Variants in KLF16 observed in about 807,000 individuals in gnomAD.
KLF16 encodes the protein KLF transcription factor 16.
In KLF16, 6 loss-of-function variants were observed where a neutral mutation model predicts 6.1. That is an observed-to-expected ratio of 0.98 (90% CI 0.54 to 1.93). The LOEUF is 1.93. KLF16 is among the 30% of genes most tolerant of loss of function. The pLI, the probability that KLF16 is intolerant of heterozygous loss-of-function variation, is 0.01. For synonymous variants in KLF16, 211 were observed against 176.5 expected, an observed-to-expected ratio of 1.20 and a Z score of -1.55; for missense variants, 355 against 363.8, an observed-to-expected ratio of 0.98 and a Z score of 0.20.
chr19:1,863,320 G>A lies in KLF16; in HGVS notation c.178C>T (p.Pro60Ser), dbSNP rs978028216. The A allele has an allele frequency of 1.0e-6, 1 of 981,562 alleles. No homozygotes were observed. The highest frequency in any genetic ancestry group is 1.2e-6 in the Non-Finnish European group (1 of 829,060). 60.8% of individuals were successfully genotyped at this position (981,562 alleles called of 1,614,324 possible). The change falls in exon 1 of 2, where the codon CCG becomes TCG. Residue 60 changes from proline (P) to serine (S), a missense_variant. By Grantham distance (74) the Pro-to-Ser change is moderately conservative. Transcript: ENST00000250916. ...AASPGTPGPP[P>S]PPPAASGPGP... ...GGGCCAGAAGCGGCGGGGGGCGGCG[G>A]GGGTGGCCCCGGGGTCCCGGGTGAG...
intron 1 of KLF16, chr19:1,862,112 G>A (rs1259889716): frequency 2.3e-5 from 2 of 87,154 alleles, no homozygotes; most frequent in African/African-American, 4.6e-5. Flanking sequence ...CACCCTCCCC[G>A]GAAGGGACAA....
the KLF16 span, among the ~76,000 whole-genome samples, chr19:1,872,116 A>G: frequency 0.64 from 97,013 of 151,868 alleles, 31,038 homozygotes; most frequent in Middle Eastern, 0.72. Flanking sequence ...GAACAGGGTC[A>G]GACAGGTGGC....
chr19:1,864,815 G>A (rs975581487), upstream of KLF16, among the ~76,000 whole-genome samples: 5 of 152,120 alleles, frequency 3.3e-5, no homozygotes, highest in Admixed American at 2.6e-4. Flanking sequence ...GGCGGCGGGG[G>A]CACAGAAACT....
At chr19:1,865,422 GGT>G (rs1436236559), upstream of KLF16, among the ~76,000 whole-genome samples, 1 of 152,232 alleles carries the variant, frequency 6.6e-6, no homozygotes, top group Non-Finnish European at 1.5e-5. Context: ...CTTGTGGACA[GGT>G]GTGTCTTGAG....
In KLF16 at chr19:1,854,603, G is replaced by A. The variant is rs375546932; in HGVS notation, c.615C>T (p.His205=). The part of the protein sequence containing the change: ...RFTRSDHLAK[H]ARRHPGFHPD... ...GGTGGAAGCCGGGGTGGCGGCGGGCGTGCTTGGCCAGGTGGTCACTGCGGG... is the reference window on the plus strand; with the variant it reads ...GGTGGAAGCCGGGGTGGCGGCGGGCATGCTTGGCCAGGTGGTCACTGCGGG... The change falls in exon 2 of 2, where the codon CAC becomes CAT. Residue 205 remains histidine (H), a synonymous_variant. Transcript: ENST00000250916. 4.2e-5 allele frequency: 67 copies of A among 1,595,476 alleles called. No individual in the cohort carries two copies. Among genetic ancestry groups the A allele is most frequent in the South Asian group, 3.3e-4 (30 of 90,696 alleles).
the KLF16 span, chr19:1,874,945 G>A: frequency 6.6e-6 from 1 of 152,104 alleles, no homozygotes; most frequent in Non-Finnish European, 1.5e-5. Flanking sequence ...GACTGTCAGT[G>A]GTAACAATGA....
intron 1 of KLF16, among the ~76,000 whole-genome samples, chr19:1,859,369 G>A (rs2012017170): frequency 6.6e-6 from 1 of 152,032 alleles, no homozygotes; most frequent in African/African-American, 2.4e-5. Context: ...CTCCAACCCA[G>A]TGCGTAGACC....
At chr19:1,868,141 G>T (rs961466073), upstream of KLF16, among the ~76,000 whole-genome samples, 1 of 152,112 alleles carries the variant, frequency 6.6e-6, no homozygotes, top group Non-Finnish European at 1.5e-5. Context: ...TGGGCCATTT[G>T]TCCTTTCATT....
At chr19:1,859,199 C>T (rs2012013360) in intron 1 of KLF16, among the ~76,000 whole-genome samples, 1 of 152,030 alleles carries the variant, frequency 6.6e-6, no homozygotes, top group Admixed American at 6.5e-5. Flanking sequence ...CATAGTTCTG[C>T]CTGGGGGTGG....
intron 1 of KLF16, among the ~76,000 whole-genome samples, chr19:1,860,096 TG>T (rs1304260012): frequency 9.0e-6 from 1 of 110,686 alleles, no homozygotes; most frequent in Non-Finnish European, 1.8e-5. Context: ...GCTGACGGTG[TG>T]CCGGGCACTG....
At chr19:1,871,302 G>A in the KLF16 span, among the ~76,000 whole-genome samples, 3 of 152,204 alleles carry the variant, frequency 2.0e-5, no homozygotes, top group Admixed American at 6.5e-5. Context: ...AGCCACCTCC[G>A]GACAGGCCTG....
chr19:1,861,663 C>G (rs1384480600), intron 1 of KLF16: 1 of 152,298 alleles, frequency 6.6e-6, no homozygotes, highest in Non-Finnish European at 1.5e-5. Flanking sequence ...CCCCTGGGAC[C>G]AGGACAGGGA....
the KLF16 span, among the ~76,000 whole-genome samples, chr19:1,872,531 C>A: frequency 7.9e-5 from 12 of 152,284 alleles, no homozygotes; most frequent in African/African-American, 2.9e-4. Flanking sequence ...TTGGGGAGGG[C>A]GGGTCCCAGA....
At chr19:1,867,257 A>C (rs2012202519), upstream of KLF16, among the ~76,000 whole-genome samples, 1 of 152,178 alleles carries the variant, frequency 6.6e-6, no homozygotes, top group African/African-American at 2.4e-5. Flanking sequence ...GGATACCCCA[A>C]GGTAGGTGAG....
At chr19:1,859,582 A>G (rs76142830) in intron 1 of KLF16, among the ~76,000 whole-genome samples, 75 of 151,710 alleles carry the variant, frequency 4.9e-4, no homozygotes, top group African/African-American at 1.8e-3. Flanking sequence ...CCTCCACAGC[A>G]GACCCCAGAG....
At chr19:1,867,961 T>TGCGC (rs1049765607), upstream of KLF16, among the ~76,000 whole-genome samples, 1 of 146,200 alleles carries the variant, frequency 6.8e-6, no homozygotes, top group African/African-American at 2.5e-5. Context: ...TGTGTGTGTG[T>TGCGC]GCGTGCGCGC....
chr19:1,863,268 TGGGGCGCCGCG>T lies in KLF16; in HGVS notation c.219_229del (p.Ala74ProfsTer83), dbSNP rs1157082496. The T allele has an allele frequency of 1.0e-6, 1 of 987,762 alleles. No individual in the cohort carries two copies. The highest frequency in any genetic ancestry group is 1.2e-6 in the Non-Finnish European group (1 of 836,090). 61.2% of individuals were successfully genotyped at this position (987,762 alleles called of 1,614,324 possible). ...GGCCAGGATGCTGGCGGCCAGCAGG[TGGGGCGCCGCG>T]GCGGCGCCGGGGCCCGGGCCAGAAG... On this transcript the variant is annotated frameshift_variant, in exon 1 of 2. Transcript: ENST00000250916. LOFTEE classifies it high-confidence loss of function.
chr19:1,861,516 C>T (rs948940510), intron 1 of KLF16: 1 of 152,246 alleles, frequency 6.6e-6, no homozygotes, highest in Non-Finnish European at 1.5e-5. Context: ...GACCCCATTG[C>T]CCTCAAAAAG....
upstream of KLF16, among the ~76,000 whole-genome samples, chr19:1,866,302 C>G (rs1243720685): frequency 1.4e-5 from 2 of 146,030 alleles, no homozygotes; most frequent in African/African-American, 5.1e-5. Context: ...AGCAAAAACT[C>G]CATCTCAAAA....
Sources: gnomAD v4.1 joint callset for allele counts (sites outside exome capture counted in the v4.1 genomes callset) on GRCh38, gnomAD v4.1.1 for gene constraint, MANE v1.5 for transcripts, NCBI Gene and HGNC (gene_info 2026-07-23, HGNC 2026-07-21) for gene names.